The following TNFRSF21 variants were observed in gnomAD, a reference collection of about 807,000 sequenced individuals.
TNFRSF21 encodes the protein TNF receptor superfamily member 21, also known as tumor necrosis factor receptor superfamily member 21.
TNFRSF21 carries 19 observed loss-of-function variants against 45.6 expected under a neutral mutation model. The ratio of observed to expected loss-of-function variants is 0.42; its 90% confidence interval spans 0.29 to 0.61. TNFRSF21 has a LOEUF of 0.61. Ranked by LOEUF, TNFRSF21 falls within the 20% of genes least tolerant of loss-of-function variation. The pLI, the probability that TNFRSF21 is intolerant of heterozygous loss-of-function variation, is 0.23. For missense variants in TNFRSF21, 737 were observed against 851.5 expected (o/e 0.87, Z 1.67); for synonymous variants, 314 against 335.5 (o/e 0.94, Z 0.70).
At chr6:47,259,072 A>C (rs867906685) in intron 3 of TNFRSF21, among the ~76,000 whole-genome samples, 1 of 152,254 alleles carries the variant, frequency 6.6e-6, no homozygotes, top group East Asian at 1.9e-4. Flanking sequence ...AAAGCATTTC[A>C]TTAAAAGAAA....
intron 1 of TNFRSF21, among the ~76,000 whole-genome samples, chr6:47,297,765 C>T (rs187736146): frequency 6.6e-6 from 1 of 152,216 alleles, no homozygotes; most frequent in East Asian, 1.9e-4. Context: ...TCAAGTGATC[C>T]GCCTGCCTCG....
intron 3 of TNFRSF21, among the ~76,000 whole-genome samples, chr6:47,283,564 C>A (rs1037332146): frequency 2.0e-5 from 3 of 152,186 alleles, no homozygotes; most frequent in African/African-American, 7.2e-5. Context: ...TCAGGAGTCT[C>A]GTCCCATCTG....
intron 4 of TNFRSF21, among the ~76,000 whole-genome samples, chr6:47,239,369 C>T (rs918354326): frequency 8.6e-5 from 13 of 151,918 alleles, no homozygotes; most frequent in African/African-American, 3.1e-4. Context: ...AAATCACTTC[C>T]CTGTTGACTG....
At chr6:47,300,905 TA>T (rs1177531402) in intron 1 of TNFRSF21, among the ~76,000 whole-genome samples, 6 of 152,172 alleles carry the variant, frequency 3.9e-5, no homozygotes, top group African/African-American at 1.4e-4. Flanking sequence ...ATTAAACGGA[TA>T]AAATATAAAT....
At chr6:47,296,338 C>G (rs1283108567) in intron 1 of TNFRSF21, among the ~76,000 whole-genome samples, 1 of 152,188 alleles carries the variant, frequency 6.6e-6, no homozygotes, top group African/African-American at 2.4e-5. Flanking sequence ...CAGCCCAGAT[C>G]TACCAGGTGC....
rs373562029 is a variant in TNFRSF21, at chr6:47,232,882, C to T, written c.1851G>A (p.Glu617=). The change falls in exon 6 of 6, where the codon GAG becomes GAA. Residue 617 remains glutamate (E), a synonymous_variant. Coordinates refer to ENST00000296861, the MANE Select transcript of TNFRSF21 (RefSeq NM_014452.5). ...CTAGTTTGTCCTCAGCCTGGGGAAT[C>T]TCTTCAATCACCCGCAGCTCCTCAG... is the stretch of plus-strand genomic sequence containing the variant. ...LNPEELRVIE[E]IPQAEDKLDR... 10 of 1,614,036 alleles carry T rather than the reference C, an allele frequency of 6.2e-6. No individual in the cohort carries two copies. Among genetic ancestry groups the T allele is most frequent in the Non-Finnish European group, 8.5e-6 (10 of 1,180,042 alleles).
chr6:47,234,041 G>C (rs111570368), intron 5 of TNFRSF21, among the ~76,000 whole-genome samples: 6,048 of 152,196 alleles, frequency 0.04, 391 homozygotes, highest in African/African-American at 0.14. Context: ...ACCCAGTCTG[G>C]AGTACAGTGG....
Position 47,267,327 on chromosome 6 carries a change from T to G in TNFRSF21, c.1244-13806A>C, listed in dbSNP as rs1762349509. ...GTTGGCCAGGCTGGTCTCGAACTCC[T>G]GACCTCAAGTGATCAGCCCGCCTCA... On this transcript the variant is annotated intron_variant, in intron 3 of 5. Transcript: ENST00000296861. 3.9e-5 allele frequency among the ~76,000 whole-genome samples: 6 copies of G among 152,126 alleles called. No homozygotes were observed. The South Asian group carries it at 1.2e-3, about 32-fold the overall frequency.
At chr6:47,306,111 G>A (rs951719790) in intron 1 of TNFRSF21, among the ~76,000 whole-genome samples, 2 of 152,166 alleles carry the variant, frequency 1.3e-5, no homozygotes, top group African/African-American at 2.4e-5. Flanking sequence ...ACTGGGTGTC[G>A]AGCAACAAGA....
intron 1 of TNFRSF21, among the ~76,000 whole-genome samples, chr6:47,296,555 G>A (rs1223714687): frequency 1.3e-5 from 2 of 152,148 alleles, no homozygotes; most frequent in Non-Finnish European, 2.9e-5. Context: ...GAAGGGTTGG[G>A]ACTTTCAACC....
intron 4 of TNFRSF21, among the ~76,000 whole-genome samples, chr6:47,244,165 A>C (rs9367270): frequency 6.6e-6 from 1 of 152,014 alleles, no homozygotes; most frequent in African/African-American, 2.4e-5. Flanking sequence ...ACTAAAAAAT[A>C]CAAAAAAAAT....
intron 4 of TNFRSF21, among the ~76,000 whole-genome samples, chr6:47,238,875 T>A (rs1183097390): frequency 1.3e-5 from 2 of 152,194 alleles, no homozygotes; most frequent in African/African-American, 4.8e-5. Flanking sequence ...CAATGAACCA[T>A]GACTGTCATC....
intron 3 of TNFRSF21, among the ~76,000 whole-genome samples, chr6:47,257,224 A>G (rs1383361365): frequency 6.6e-6 from 1 of 152,150 alleles, no homozygotes; most frequent in African/African-American, 2.4e-5. Context: ...AAATAAAGAA[A>G]AAAAGAAAAA....
intron 3 of TNFRSF21, among the ~76,000 whole-genome samples, chr6:47,258,437 A>G (rs1765021269): frequency 6.8e-6 from 1 of 147,422 alleles, no homozygotes; most frequent in Non-Finnish European, 1.5e-5. Context: ...GGCAAAGACC[A>G]CAGTAACTTT....
At chr6:47,276,916 A>G in intron 3 of TNFRSF21, among the ~76,000 whole-genome samples, 1 of 152,256 alleles carries the variant, frequency 6.6e-6, no homozygotes, top group Non-Finnish European at 1.5e-5. Context: ...GTATGGAGGG[A>G]AACCCATCTT....
In TNFRSF21 at chr6:47,234,883, G is replaced by T; in HGVS notation, c.1525C>A (p.Leu509Ile). ...GGGCTGGGGCTCATCGGGAGAGCTA[G>T]TTTGTCAGTTTCCAGCTGTAGGAGG... is the stretch of plus-strand genomic sequence containing the variant. The part of the protein sequence containing the change: ...EDTTQLETDK[L>I]ALPMSPSPLS... Residue 509 changes from leucine (L) to isoleucine (I), a missense_variant, in exon 5 of 6, where the codon CTA becomes ATA. Coordinates refer to ENST00000296861, the MANE Select transcript of TNFRSF21 (RefSeq NM_014452.5). The T allele has an allele frequency of 7.3e-7, 1 of 1,377,986 alleles. No individual in the cohort carries two copies. The highest frequency in any genetic ancestry group is 9.4e-7 in the Non-Finnish European group (1 of 1,064,772). The allele number at this position is 1,377,986 out of a possible 1,614,324, so 85.4% of individuals were successfully genotyped here. A position where few individuals can be genotyped will look rare whatever the true frequency, so the allele number is the denominator to read the frequency against.
At chr6:47,251,490 G>A (rs1764900823) in intron 4 of TNFRSF21, among the ~76,000 whole-genome samples, 1 of 152,144 alleles carries the variant, frequency 6.6e-6, no homozygotes, top group African/African-American at 2.4e-5. Context: ...TTGACCTAAT[G>A]ATTTTATTAT....
intron 3 of TNFRSF21, among the ~76,000 whole-genome samples, chr6:47,258,334 C>T (rs1300007054): frequency 6.6e-6 from 1 of 151,038 alleles, no homozygotes; most frequent in East Asian, 1.9e-4. Flanking sequence ...TGTACCACCG[C>T]ACCCCAGCCT....
At chr6:47,233,079 G>A (rs1764612016) in intron 5 of TNFRSF21, 85 bp from the exon 6 acceptor site, 1 of 1,239,544 alleles carries the variant, frequency 8.1e-7, no homozygotes, top group South Asian at 1.3e-5. Context: ...GTCCTAGAGA[G>A]AGAGACATCT....
Sources: gnomAD v4.1 joint callset for allele counts (sites outside exome capture counted in the v4.1 genomes callset) on GRCh38, gnomAD v4.1.1 for gene constraint, MANE v1.5 for transcripts, NCBI Gene and HGNC (gene_info 2026-07-23, HGNC 2026-07-21) for gene names.